The following GFRA1 variants were observed in gnomAD, a reference collection of about 807,000 sequenced individuals.
GFRA1 encodes GDNF family receptor alpha-1.
GFRA1 carries 16 observed loss-of-function variants against 51.6 expected under a neutral mutation model. The ratio of observed to expected loss-of-function variants is 0.31; its 90% CI spans 0.21 to 0.47. The LOEUF is 0.47. Ranked by LOEUF, GFRA1 falls within the 20% of genes least tolerant of loss-of-function variation. The pLI is 1.00. For synonymous variants in GFRA1, 270 were observed against 241.3 expected, an observed-to-expected ratio of 1.12 and a Z score of -1.10; for missense variants, 530 against 594.3, an observed-to-expected ratio of 0.89 and a Z score of 1.13.
intron 5 of GFRA1, among the ~76,000 whole-genome samples, chr10:116,209,555 A>C (rs1965030994): frequency 6.6e-6 from 1 of 152,092 alleles, no homozygotes. Context: ...CATTGTGTGC[A>C]TGGGCCCCAG....
intron 4 of GFRA1, among the ~76,000 whole-genome samples, chr10:116,265,833 T>C (rs988277414): frequency 6.6e-6 from 1 of 152,058 alleles, no homozygotes; most frequent in Non-Finnish European, 1.5e-5. Flanking sequence ...CGCTTCATGT[T>C]CCAGGCCCCT....
chr10:116,077,659 C>G (rs1955674664), intron 9 of GFRA1, among the ~76,000 whole-genome samples: 1 of 152,178 alleles, frequency 6.6e-6, no homozygotes, highest in South Asian at 2.1e-4. Flanking sequence ...ATTATGTATT[C>G]TAACAATATG....
At chr10:116,271,139 C>T (rs750428894) in intron 2 of GFRA1, 24 bp from the exon 3 acceptor site, 2 of 1,582,178 alleles carry the variant, frequency 1.3e-6, no homozygotes, top group Non-Finnish European at 1.7e-6. Flanking sequence ...GGGAGGGAGC[C>T]TGAGTGCGGC....
intron 5 of GFRA1, among the ~76,000 whole-genome samples, chr10:116,200,104 T>A (rs1964210536): frequency 6.6e-6 from 1 of 152,236 alleles, no homozygotes; most frequent in East Asian, 1.9e-4. Context: ...CAGTTTGTCC[T>A]TTCTCCTACT....
chr10:116,193,799 T>C (rs947576289), intron 5 of GFRA1, among the ~76,000 whole-genome samples: 1 of 151,828 alleles, frequency 6.6e-6, no homozygotes, highest in Admixed American at 6.6e-5. Context: ...GGCTCATGCC[T>C]GTAATCCCAG....
At chr10:116,065,736 C>T (rs1428440596) in intron 9 of GFRA1, 110 bp from the exon 10 acceptor site, 3 of 779,514 alleles carry the variant, frequency 3.8e-6, no homozygotes, top group Non-Finnish European at 6.7e-6. Flanking sequence ...ATGTGAGACA[C>T]AGCTGTGAGC....
chr10:116,219,160 T>C (rs1036735049), intron 4 of GFRA1, among the ~76,000 whole-genome samples: 5 of 152,174 alleles, frequency 3.3e-5, no homozygotes, highest in African/African-American at 1.2e-4. Context: ...GCCCCTATCA[T>C]TTTTATGACA....
chr10:116,088,446 C>G (rs1027422337), intron 9 of GFRA1, among the ~76,000 whole-genome samples: 11 of 152,112 alleles, frequency 7.2e-5, no homozygotes, highest in Non-Finnish European at 1.3e-4. Context: ...CAGGAAAAAT[C>G]ACAGAAAGAA....
At chr10:116,241,371 C>T (rs182352693) in intron 4 of GFRA1, among the ~76,000 whole-genome samples, 7 of 152,174 alleles carry the variant, frequency 4.6e-5, no homozygotes, top group African/African-American at 1.7e-4. Flanking sequence ...TCTGTCAAAA[C>T]AAATCTCAAC....
At chr10:116,215,877 G>A (rs940557366) in intron 4 of GFRA1, among the ~76,000 whole-genome samples, 3 of 152,030 alleles carry the variant, frequency 2.0e-5, no homozygotes, top group Admixed American at 6.6e-5. Context: ...GCCCACCCCC[G>A]GCTCCCTCTC....
At chr10:116,102,776 G>A (rs972022865) in intron 6 of GFRA1, among the ~76,000 whole-genome samples, 1 of 152,108 alleles carries the variant, frequency 6.6e-6, no homozygotes, top group Non-Finnish European at 1.5e-5. Flanking sequence ...CACAACACAT[G>A]GGAATTATGG....
At chr10:116,238,646 G>T (rs1967098826) in intron 4 of GFRA1, among the ~76,000 whole-genome samples, 1 of 152,186 alleles carries the variant, frequency 6.6e-6, no homozygotes, top group Non-Finnish European at 1.5e-5. Flanking sequence ...TTAATTGGTT[G>T]TAATCCGCTC....
intron 4 of GFRA1, among the ~76,000 whole-genome samples, chr10:116,260,238 AC>A (rs1969199198): frequency 1.3e-5 from 2 of 152,164 alleles, no homozygotes; most frequent in African/African-American, 4.8e-5. Flanking sequence ...GCTGTGTCAC[AC>A]TCGCACACAC....
intron 10 of GFRA1, among the ~76,000 whole-genome samples, chr10:116,064,868 CACGTTGCACAGGTAACTGACA>C (rs143625289): frequency 0.011 from 1,713 of 152,226 alleles, 31 homozygotes; most frequent in African/African-American, 0.039. Context: ...TCCAGGGTTC[CACGTTGCACAGGTAACTGACA>C]GCGTTGGAGA....
At chr10:116,108,752 T>C (rs2133957817) in intron 6 of GFRA1, among the ~76,000 whole-genome samples, 1 of 152,334 alleles carries the variant, frequency 6.6e-6, no homozygotes, top group African/African-American at 2.4e-5. Context: ...GCTTCAGCCT[T>C]GCTGCCCACA....
intron 9 of GFRA1, among the ~76,000 whole-genome samples, chr10:116,086,707 A>G (rs1589775225): frequency 6.6e-6 from 1 of 152,340 alleles, no homozygotes; most frequent in South Asian, 2.1e-4. Context: ...CACAGGGAAG[A>G]GAGGTGTGGC....
chr10:116,215,619 G>A (rs1055389170), intron 4 of GFRA1, among the ~76,000 whole-genome samples: 2 of 152,194 alleles, frequency 1.3e-5, no homozygotes, highest in African/African-American at 4.8e-5. Context: ...TTGCTGTGGG[G>A]AATTACTCTG....
At chr10:116,147,804 T>C (rs1041543470) in intron 5 of GFRA1, among the ~76,000 whole-genome samples, 48 of 152,086 alleles carry the variant, frequency 3.2e-4, no homozygotes, top group South Asian at 4.2e-4. Context: ...AGGTTAAAAA[T>C]AGACCCTCCG....
intron 5 of GFRA1, among the ~76,000 whole-genome samples, chr10:116,204,474 A>T (rs1964575967): frequency 6.6e-6 from 1 of 152,206 alleles, no homozygotes. Flanking sequence ...ATCATTCTTC[A>T]ATGATCAGAA....
Sources: allele counts gnomAD v4.1 joint callset (sites outside exome capture counted in the v4.1 genomes callset), GRCh38; gene constraint gnomAD v4.1.1; transcripts MANE v1.5; gene names NCBI Gene and HGNC (gene_info 2026-07-23, HGNC 2026-07-21).